CRYBG1: variants seen among roughly 807,000 people sequenced by gnomAD.
The protein encoded by CRYBG1 is beta/gamma crystallin domain-containing protein 1.
A neutral mutation model predicts 189.2 loss-of-function variants in CRYBG1; 139 were observed. The ratio of observed to expected loss-of-function variants is 0.73; its 90% CI spans 0.64 to 0.85. CRYBG1 has a LOEUF of 0.85. CRYBG1 is among the 40% of genes least tolerant of loss of function. The pLI, the probability that CRYBG1 is intolerant of heterozygous loss-of-function variation, is 0.00. For missense variants in CRYBG1, 2,611 were observed against 2,675.8 expected, an observed-to-expected ratio of 0.98 and a Z score of 0.53; for synonymous variants, 1,023 against 1,017.1, an observed-to-expected ratio of 1.01 and a Z score of -0.11.
intron 2 of CRYBG1, among the ~76,000 whole-genome samples, chr6:106,471,001 C>T (rs1230938653): frequency 4.6e-5 from 7 of 152,136 alleles, no homozygotes; most frequent in Non-Finnish European, 8.8e-5. Flanking sequence ...TTGAAGACAA[C>T]CAAGTGGAAA....
Position 106,556,136 on chromosome 6 carries a change from C to T in CRYBG1, c.5715+239C>T, listed in dbSNP as rs534689096. On this transcript the variant is annotated intron_variant, in intron 17 of 21. Transcript: ENST00000633556. The stretch of plus-strand genomic sequence containing the variant: ...TATCCCTATGGACCTGAGTGGGAGT[C>T]TCTTGGACTATATATTAGGAGTAGA... Among the ~76,000 whole-genome samples the T allele has an allele frequency of 3.9e-5, 6 of 152,236 alleles. No homozygotes were observed. The East Asian group carries it at 1.2e-3, about 29-fold the overall frequency.
At chr6:106,375,762 G>C (rs1770150616) in intron 1 of CRYBG1, among the ~76,000 whole-genome samples, 1 of 152,094 alleles carries the variant, frequency 6.6e-6, no homozygotes, top group Admixed American at 6.6e-5. Flanking sequence ...TGTTTTGGAG[G>C]CTTCACCATA....
intron 8 of CRYBG1, among the ~76,000 whole-genome samples, chr6:106,531,118 G>T (rs553950772): frequency 6.6e-6 from 1 of 152,180 alleles, no homozygotes; most frequent in Non-Finnish European, 1.5e-5. Flanking sequence ...CCCTAAAGTG[G>T]TATGGAGTAT....
chr6:106,419,322 A>G (rs1356264288), intron 1 of CRYBG1, among the ~76,000 whole-genome samples: 1 of 152,214 alleles, frequency 6.6e-6, no homozygotes, highest in Non-Finnish European at 1.5e-5. Flanking sequence ...ACTTCTTTTT[A>G]ACTCCTATGT....
intron 1 of CRYBG1, among the ~76,000 whole-genome samples, chr6:106,436,196 A>G (rs1369958438): frequency 1.3e-5 from 2 of 152,082 alleles, no homozygotes; most frequent in African/African-American, 4.8e-5. Context: ...AAGAACAGAA[A>G]TCAGTCCTGA....
At chr6:106,546,649 A>G (rs1395551323) in intron 13 of CRYBG1, among the ~76,000 whole-genome samples, 1 of 152,156 alleles carries the variant, frequency 6.6e-6, no homozygotes, top group Non-Finnish European at 1.5e-5. Context: ...GGAAATGCCT[A>G]CTCTTGGGTC....
At chr6:106,484,535 G>A (rs528537784) in intron 2 of CRYBG1, among the ~76,000 whole-genome samples, 1 of 152,102 alleles carries the variant, frequency 6.6e-6, no homozygotes, top group African/African-American at 2.4e-5. Context: ...GCCCAGGCTG[G>A]TCTCAAACTC....
At chr6:106,365,109 T>A (rs1771958947) in intron 1 of CRYBG1, among the ~76,000 whole-genome samples, 1 of 152,160 alleles carries the variant, frequency 6.6e-6, no homozygotes, top group Admixed American at 6.5e-5. Flanking sequence ...TTGGTTTTTT[T>A]AAATATTAAA....
At chr6:106,548,324 G>C (rs1003137268) in intron 13 of CRYBG1, among the ~76,000 whole-genome samples, 4 of 152,150 alleles carry the variant, frequency 2.6e-5, no homozygotes, top group Non-Finnish European at 5.9e-5. Flanking sequence ...GATTCATCAG[G>C]TATCTTGGAG....
Position 106,511,477 on chromosome 6 carries a change from G to A in CRYBG1, c.360G>A (p.Gly120=). 1 of 1,535,790 alleles carries A rather than the reference G, an allele frequency of 6.5e-7. No individual in the cohort carries two copies. Among genetic ancestry groups the A allele is most frequent in the South Asian group, 1.2e-5 (1 of 84,048 alleles). The change falls in exon 3 of 22, where the codon GGG becomes GGA. Residue 120 remains glycine (G), a synonymous_variant. Coordinates refer to ENST00000633556, the MANE Select transcript of CRYBG1 (RefSeq NM_001371242.2). ...PEDNRRKPVL[G]KLGTLFTAGR... ...ACAACAGAAGGAAGCCAGTTTTGGG[G>A]AAACTTGGCACTCTATTCACTGCAG...
rs762511435 is a variant in CRYBG1 at position 106,520,112 on chromosome 6, G to A, written c.2904G>A (p.Gln968=). The A allele has an allele frequency of 6.2e-7, 1 of 1,614,088 alleles. No homozygotes were observed. The highest frequency in any genetic ancestry group is 8.5e-7 in the Non-Finnish European group (1 of 1,180,008). The change falls in exon 4 of 22, where the codon CAG becomes CAA. Residue 968 remains glutamine (Q), a synonymous_variant. Transcript: ENST00000633556. ...RSFVLPVEST[Q]DVSSQVIPES... is the part of the protein sequence containing the mutation. ...TCGTGCTCCCCGTGGAGAGCACCCA[G>A]GATGTGAGCTCCCAGGTCATCCCAG...
chr6:106,511,077 A>G (rs1011725855), intron 2 of CRYBG1, among the ~76,000 whole-genome samples: 6 of 152,220 alleles, frequency 3.9e-5, no homozygotes, highest in Non-Finnish European at 8.8e-5. Flanking sequence ...ACGGCTGTTT[A>G]TAAATTGCAT....
intron 2 of CRYBG1, among the ~76,000 whole-genome samples, chr6:106,493,347 G>A (rs1012314322): frequency 1.3e-5 from 2 of 152,140 alleles, no homozygotes; most frequent in African/African-American, 4.8e-5. Context: ...AAAATAATAA[G>A]TTGGTGAAGA....
chr6:106,471,061 T>C (rs1772224074), intron 2 of CRYBG1, among the ~76,000 whole-genome samples: 1 of 152,172 alleles, frequency 6.6e-6, no homozygotes, highest in Non-Finnish European at 1.5e-5. Context: ...ACCCTTGTAA[T>C]TTTCTACATG....
intron 2 of CRYBG1, among the ~76,000 whole-genome samples, chr6:106,466,353 A>T (rs1365211486): frequency 1.3e-5 from 2 of 152,358 alleles, no homozygotes; most frequent in East Asian, 3.9e-4. Flanking sequence ...CTCAACATTC[A>T]TTCAAAGCTC....
intron 1 of CRYBG1, among the ~76,000 whole-genome samples, chr6:106,374,704 T>A (rs1269825706): frequency 6.6e-6 from 1 of 152,210 alleles, no homozygotes; most frequent in Non-Finnish European, 1.5e-5. Context: ...GTATATAAAT[T>A]CTCTAAATGG....
In CRYBG1 at chr6:106,558,504, A is replaced by G. The variant is rs752072628; in HGVS notation, c.5734A>G (p.Ile1912Val). The change falls in exon 18 of 22, where the codon ATT becomes GTT. Residue 1912 changes from isoleucine to valine, a missense_variant. Physicochemically the swap from Ile to Val is conservative, Grantham distance 29. Transcript: ENST00000633556. ...TCAACAGGAATTTTCTGAACCAACA[A>G]TTATTCTCTTTGAAAGAGAAGACTT... ...FIDVEFSEPT[I>V]ILFEREDFKG... 1.9e-6 allele frequency: 3 copies of G among 1,602,684 alleles called. No individual in the cohort carries two copies. The highest frequency in any genetic ancestry group is 1.7e-4 in the Middle Eastern group (1 of 6,032).
intron 2 of CRYBG1, among the ~76,000 whole-genome samples, chr6:106,492,069 C>T (rs1028058632): frequency 6.6e-6 from 1 of 152,136 alleles, no homozygotes; most frequent in Non-Finnish European, 1.5e-5. Flanking sequence ...GTACTGTGTT[C>T]TTCCTGTGGT....
At chr6:106,410,554 A>G (rs1770910040) in intron 1 of CRYBG1, among the ~76,000 whole-genome samples, 1 of 152,248 alleles carries the variant, frequency 6.6e-6, no homozygotes, top group Admixed American at 6.5e-5. Flanking sequence ...AAATCATTTT[A>G]CTATAAAGAC....
Sources: allele counts gnomAD v4.1 joint callset (sites outside exome capture counted in the v4.1 genomes callset), GRCh38; gene constraint gnomAD v4.1.1; transcripts MANE v1.5; gene names NCBI Gene and HGNC (gene_info 2026-07-23, HGNC 2026-07-21).